ATAD3B: variants seen among roughly 807,000 people sequenced by gnomAD.
ATAD3B encodes the protein ATPase family AAA domain-containing protein 3B.
Under a neutral mutation model 70.2 loss-of-function variants are expected in ATAD3B, and 59 were observed. That is an observed-to-expected ratio of 0.84 (90% CI 0.68 to 1.04). The LOEUF (loss-of-function observed/expected upper bound fraction) is 1.04, where lower values mean the gene tolerates loss of function less well. Among genes scored for constraint, ATAD3B ranks in the 50% least tolerant of loss-of-function variants. The pLI is 0.00. For missense variants in ATAD3B, 961 were observed against 913.4 expected (o/e 1.05, Z -0.67); for synonymous variants, 423 against 388.6 (o/e 1.09, Z -1.04).
At chr1:1,488,922 A>C (rs562995848) in intron 12 of ATAD3B, among the ~76,000 whole-genome samples, 1 of 151,610 alleles carries the variant, frequency 6.6e-6, no homozygotes, top group South Asian at 2.1e-4. Flanking sequence ...GCCACCATGC[A>C]TGGCTAATTT....
rs1481706364 is a variant in ATAD3B at position 1,471,792 on chromosome 1, C to G, written c.-93C>G. 2 of 1,219,858 alleles carry G rather than the reference C, an allele frequency of 1.6e-6. No homozygotes were observed. Among genetic ancestry groups the G allele is most frequent in the Non-Finnish European group, 2.0e-6 (2 of 978,644 alleles). The allele number at this position is 1,219,858 out of a possible 1,614,324, so 75.6% of individuals were successfully genotyped here. A position where few individuals can be genotyped will look rare whatever the true frequency, so the allele number is the denominator to read the frequency against. On this transcript the variant is annotated 5_prime_UTR_variant, in exon 1 of 16. Coordinates refer to ENST00000673477, the MANE Select transcript of ATAD3B (RefSeq NM_031921.6). ...TTCGCCTGCGCAGTGGTCCTGGCCA[C>G]CGGCTCGCGGCGCGTGGAGGCTGCT...
At chr1:1,487,817 C>T (rs1640309860) in intron 11 of ATAD3B, 46 bp from the exon 12 acceptor site, 5 of 1,607,314 alleles carry the variant, frequency 3.1e-6, no homozygotes, top group Non-Finnish European at 4.3e-6. Context: ...CTGTGGGCTG[C>T]TCCTGGCGTC....
Position 1,471,803 on chromosome 1 carries a change from C to T in ATAD3B, c.-82C>T, listed in dbSNP as rs936009976. 2 of 1,224,222 alleles carry T rather than the reference C, an allele frequency of 1.6e-6. No homozygotes were observed. Among genetic ancestry groups the T allele is most frequent in the African/African-American group, 1.6e-5 (1 of 63,324 alleles). The allele number at this position is 1,224,222 out of a possible 1,614,324, so 75.8% of individuals were successfully genotyped here. On this transcript the variant is annotated 5_prime_UTR_variant, in exon 1 of 16. Transcript: ENST00000673477. The stretch of plus-strand genomic sequence containing the variant: ...AGTGGTCCTGGCCACCGGCTCGCGG[C>T]GCGTGGAGGCTGCTCCCAGCCGCGC...
At chr1:1,488,018 A>C (rs1436964139) in intron 12 of ATAD3B, 104 bp downstream of exon 12, 2 of 1,496,186 alleles carry the variant, frequency 1.3e-6, no homozygotes, top group East Asian at 4.5e-5. Context: ...GCAGTGGCGC[A>C]ATCTTGGCTC....
Position 1,480,861 on chromosome 1 carries a change from T to C in ATAD3B, c.445-6T>C, listed in dbSNP as rs1639874895. On this transcript the variant is annotated splice_polypyrimidine_tract_variant and splice_region_variant and intron_variant, in intron 4 of 15. Coordinates refer to ENST00000673477, the MANE Select transcript of ATAD3B (RefSeq NM_031921.6). ...GCTTTTCTCTTTTTCTGCGGCTTCTTCTCAGCAACTTCTCAATGAGGAGAA... is the reference window on the plus strand; with the variant it reads ...GCTTTTCTCTTTTTCTGCGGCTTCTCCTCAGCAACTTCTCAATGAGGAGAA... The C allele has an allele frequency of 6.3e-7, 1 of 1,592,586 alleles. No homozygotes were observed. Among genetic ancestry groups the C allele is most frequent in the Non-Finnish European group, 8.5e-7 (1 of 1,171,034 alleles).
Position 1,490,344 on chromosome 1 carries a change from G to A in ATAD3B, c.1425G>A (p.Leu475=). 1 of 1,613,446 alleles carries A rather than the reference G, an allele frequency of 6.2e-7. No individual in the cohort carries two copies. The highest frequency in any genetic ancestry group is 8.5e-7 in the Non-Finnish European group (1 of 1,179,696). The part of the protein sequence containing the change: ...SRIDVMVHFD[L]PQQEERERLV... ...TTGACGTGATGGTCCACTTCGACCT[G>A]CCGCAGCAGGAGGAGCGGGAGCGCC... The change falls in exon 14 of 16, where the codon CTG becomes CTA. Residue 475 remains leucine (L), a synonymous_variant. Coordinates refer to ENST00000673477, the MANE Select transcript of ATAD3B (RefSeq NM_031921.6).
rs957824893 is a variant in ATAD3B, at chr1:1,496,088, G to C, written c.*271G>C. 157 of 1,212,740 alleles carry C rather than the reference G, an allele frequency of 1.3e-4. 2 individuals carry two copies. Among genetic ancestry groups the C allele is most frequent in the East Asian group, 1.8e-4 (5 of 28,358 alleles). The allele number at this position is 1,212,740 out of a possible 1,614,324, so 75.1% of individuals were successfully genotyped here. A position where few individuals can be genotyped will look rare whatever the true frequency, so the allele number is the denominator to read the frequency against. On this transcript the variant is annotated 3_prime_UTR_variant, in exon 16 of 16. Transcript: ENST00000673477. The stretch of plus-strand genomic sequence containing the variant: ...GGCCTGAACCCTGCTTCCAGCCATG[G>C]CCAGGGGCCACGGAACCCGGCAGGG...
At position 1,488,007 on chromosome 1, in the gene ATAD3B, T is replaced by TGCAGTGGCGCAATCTTGGCTC; in HGVS notation, c.1266+96_1266+116dup. On this transcript the variant is annotated intron_variant, in intron 12 of 15. Coordinates refer to ENST00000673477, the MANE Select transcript of ATAD3B (RefSeq NM_031921.6). ...CCAGGCTGCAGCCCTTAAGCTGGCTTGCAGTGGCGCAATCTTGGCTCGCTG... is the reference window on the plus strand; with the variant it reads ...CCAGGCTGCAGCCCTTAAGCTGGCTTGCAGTGGCGCAATCTTGGCTCGCAGTGGCGCAATCTTGGCTCGCTG... The TGCAGTGGCGCAATCTTGGCTC allele has an allele frequency of 9.1e-6, 14 of 1,542,984 alleles. No homozygotes were observed. In the South Asian group the frequency reaches 1.6e-4, roughly 17 times the overall value.
At chr1:1,499,822 G>A (rs1398750108), downstream of ATAD3B, among the ~76,000 whole-genome samples, 3 of 148,342 alleles carry the variant, frequency 2.0e-5, no homozygotes, top group African/African-American at 5.0e-5. Flanking sequence ...TCGAACTCCC[G>A]ACGTCAGGTG....
Position 1,487,856 on chromosome 1 carries a change from T to G in ATAD3B, c.1215-7T>G, listed in dbSNP as rs1343654730. On this transcript the variant is annotated splice_polypyrimidine_tract_variant and splice_region_variant and intron_variant, in intron 11 of 15. Transcript: ENST00000673477. ...CTCGCCTTGCTTGGCCTCTCTCTCG[T>G]TCACAGCCTCCTGCTCTTCATGGAT... 6 of 1,612,920 alleles carry G rather than the reference T, an allele frequency of 3.7e-6. 1 individual carries two copies. In the South Asian group the frequency reaches 5.5e-5, roughly 15 times the overall value.
At position 1,496,289 on chromosome 1, in the gene ATAD3B, A is replaced by G. The variant is rs1640792411; in HGVS notation, c.*472A>G. ...TGGGGTCAAAGGTGACATAAGAGGC[A>G]GAGGCTGGAGCTTTCTGGAGAATTT... On this transcript the variant is annotated 3_prime_UTR_variant, in exon 16 of 16. Coordinates refer to ENST00000673477, the MANE Select transcript of ATAD3B (RefSeq NM_031921.6). 1.0e-5 allele frequency: 10 copies of G among 957,962 alleles called. No homozygotes were observed. Among genetic ancestry groups the G allele is most frequent in the Non-Finnish European group, 1.2e-5 (10 of 803,800 alleles). 59.3% of individuals were successfully genotyped at this position (957,962 alleles called of 1,614,324 possible).
intron 5 of ATAD3B, among the ~76,000 whole-genome samples, chr1:1,481,581 AC>A (rs1286721676): frequency 4.0e-5 from 4 of 99,644 alleles, no homozygotes; most frequent in Non-Finnish European, 8.0e-5. Context: ...ACCACTCTTC[AC>A]CGTGGGTGGG....
chr1:1,500,641 G>GTA (rs934813229), downstream of ATAD3B, among the ~76,000 whole-genome samples: 43 of 150,224 alleles, frequency 2.9e-4, 1 homozygote, highest in South Asian at 6.9e-3. Flanking sequence ...ATATAAATGT[G>GTA]TATATATATA....
At chr1:1,490,872 G>A (rs1480737076) in intron 15 of ATAD3B, among the ~76,000 whole-genome samples, 1 of 152,082 alleles carries the variant, frequency 6.6e-6, no homozygotes, top group African/African-American at 2.4e-5. Flanking sequence ...CCCTCAGGAG[G>A]GTGGGGCCAT....
Position 1,497,689 on chromosome 1 carries a change from AC to A in ATAD3B, c.*1876del, listed in dbSNP as rs1415536929. 1 of 150,920 alleles carries A rather than the reference AC, an allele frequency of 6.6e-6. No homozygotes were observed. Among genetic ancestry groups the A allele is most frequent in the Admixed American group, 6.6e-5 (1 of 15,146 alleles). The allele number at this position is 150,920 out of a possible 1,614,324, so 9.3% of individuals were successfully genotyped here. ...AGACCATCCTGGCTAACGTGGCAAA[AC>A]CCCGTCTCTACTAAAAATACAAAAA... On this transcript the variant is annotated 3_prime_UTR_variant, in exon 16 of 16. Coordinates refer to ENST00000673477, the MANE Select transcript of ATAD3B (RefSeq NM_031921.6).
At chr1:1,482,908 G>A in intron 7 of ATAD3B, 1 of 521,256 alleles carries the variant, frequency 1.9e-6, no homozygotes, top group Non-Finnish European at 3.6e-6. Context: ...GGCTGAGGTA[G>A]GAGGATCACT....
Position 1,495,949 on chromosome 1 carries a change from G to T in ATAD3B, c.*132G>T, listed in dbSNP as rs1640773278. On this transcript the variant is annotated 3_prime_UTR_variant, in exon 16 of 16. Coordinates refer to ENST00000673477, the MANE Select transcript of ATAD3B (RefSeq NM_031921.6). ...CCCTGCCCAGGCCACTGTGAGGGTG[G>T]GTGCTGGCTGAGCCCCTGGGGCAGA... is the stretch of plus-strand genomic sequence containing the variant. The T allele has an allele frequency of 7.1e-7, 1 of 1,404,090 alleles. No individual in the cohort carries two copies. The highest frequency in any genetic ancestry group is 9.2e-7 in the Non-Finnish European group (1 of 1,081,630). 87.0% of individuals were successfully genotyped at this position (1,404,090 alleles called of 1,614,324 possible). A position where few individuals can be genotyped will look rare whatever the true frequency, so the allele number is the denominator to read the frequency against.
chr1:1,504,156 T>G, the ATAD3B span, among the ~76,000 whole-genome samples: 1 of 151,502 alleles, frequency 6.6e-6, no homozygotes, highest in Non-Finnish European at 1.5e-5. Context: ...CCCGGCTAAT[T>G]TTTGGATTTT....
At position 1,471,902 on chromosome 1, in the gene ATAD3B, C is replaced by T. The variant is rs541520391; in HGVS notation, c.18C>T (p.Gly6=). The change falls in exon 1 of 16, where the codon GGC becomes GGT. Residue 6 remains glycine (G), a synonymous_variant. Coordinates refer to ENST00000673477, the MANE Select transcript of ATAD3B (RefSeq NM_031921.6). ...GTGCGAGCATGTCGTGGCTCTTCGG[C>T]GTTAACAAGGGCCCCAAGGGTGAAG... MSWLF[G]VNKGPKGEGA... is the part of the protein sequence containing the mutation. The T allele has an allele frequency of 4.9e-5, 63 of 1,273,622 alleles. 1 individual carries two copies. The highest frequency in any genetic ancestry group is 3.7e-4 in the African/African-American group (24 of 64,998). The allele number at this position is 1,273,622 out of a possible 1,614,324, so 78.9% of individuals were successfully genotyped here.
Sources: gnomAD v4.1 joint callset for allele counts (sites outside exome capture counted in the v4.1 genomes callset) on GRCh38, gnomAD v4.1.1 for gene constraint, MANE v1.5 for transcripts, NCBI Gene and HGNC (gene_info 2026-07-23, HGNC 2026-07-21) for gene names.